Variants in GPR155 observed in about 807,000 individuals in gnomAD.
The protein encoded by GPR155 is lysosomal cholesterol signaling protein.
GPR155 carries 65 observed loss-of-function variants against 93.1 expected under a neutral mutation model. The ratio of observed to expected loss-of-function variants is 0.70; its 90% CI spans 0.57 to 0.86. The LOEUF is 0.86. Ranked by LOEUF, GPR155 falls within the 40% of genes least tolerant of loss-of-function variation. The probability of loss-of-function intolerance (pLI) is 0.00; values close to 1 mark genes in which losing one functional copy is unlikely to be tolerated. For synonymous variants in GPR155, 319 were observed against 360.1 expected (o/e 0.89, Z 1.29); for missense variants, 838 against 1,034.8 (o/e 0.81, Z 2.61).
At chr2:174,463,908 G>A (rs1403569784) in intron 7 of GPR155, among the ~76,000 whole-genome samples, 1 of 152,196 alleles carries the variant, frequency 6.6e-6, no homozygotes, top group African/African-American at 2.4e-5. Context: ...TGAGGTCCTT[G>A]AGAATTGGTT....
At chr2:174,448,728 G>A (rs62175265) in intron 11 of GPR155, among the ~76,000 whole-genome samples, 35,216 of 150,704 alleles carry the variant, frequency 0.23, 5,524 homozygotes, top group East Asian at 0.68. Flanking sequence ...TAGTAGAGAC[G>A]GGGTTTCACC....
chr2:174,468,843 T>G, intron 5 of GPR155, 69 bp downstream of exon 5: 1 of 1,284,926 alleles, frequency 7.8e-7, no homozygotes, highest in African/African-American at 1.5e-5. Context: ...TTTAAATCCC[T>G]TCTGTTAACA....
At chr2:174,446,536 C>A in intron 12 of GPR155, 75 bp downstream of exon 12, 1 of 1,424,490 alleles carries the variant, frequency 7.0e-7, no homozygotes, top group Non-Finnish European at 9.7e-7. Context: ...CTAAGTTTTT[C>A]CCGGATGCCT....
intron 3 of GPR155, among the ~76,000 whole-genome samples, chr2:174,471,123 C>T (rs892532372): frequency 2.0e-5 from 3 of 151,916 alleles, no homozygotes; most frequent in Non-Finnish European, 4.4e-5. Flanking sequence ...CATGGTGGCT[C>T]AAGCCTGTAA....
At chr2:174,437,554 T>C (rs1016562949) in intron 15 of GPR155, among the ~76,000 whole-genome samples, 2 of 142,888 alleles carry the variant, frequency 1.4e-5, no homozygotes, top group East Asian at 3.9e-4. Flanking sequence ...TGCTTGTTGA[T>C]TTTTTTATTT....
At position 174,461,582 on chromosome 2, in the gene GPR155, A is replaced by G; in HGVS notation, c.1469+6T>C. On this transcript the variant is annotated splice_donor_region_variant and intron_variant, in intron 8 of 15. Transcript: ENST00000392552. ...GGTGTAAGCAAACAGAGAACTACCA[A>G]CTTACCCCCAGCCAGATATTATGAT... 3 of 1,599,234 alleles carry G rather than the reference A, an allele frequency of 1.9e-6. No individual in the cohort carries two copies. The highest frequency in any genetic ancestry group is 2.6e-6 in the Non-Finnish European group (3 of 1,166,546).
At position 174,433,702 on chromosome 2, in the gene GPR155, A is replaced by G. The variant is rs186496471; in HGVS notation, c.*2414T>C. 135 of 152,346 alleles carry G rather than the reference A, an allele frequency of 8.9e-4. No individual in the cohort carries two copies. Among genetic ancestry groups the G allele is most frequent in the African/African-American group, 3.1e-3 (130 of 41,570 alleles). The allele number at this position is 152,346 out of a possible 1,614,324, so 9.4% of individuals were successfully genotyped here. A position where few individuals can be genotyped will look rare whatever the true frequency, so the allele number is the denominator to read the frequency against. ...TTCTTCCCATCTACCATGTGGGGAC[A>G]CAGCAAGAAGGTACCATCTATGAGC... On this transcript the variant is annotated 3_prime_UTR_variant, in exon 16 of 16. Coordinates refer to ENST00000392552, the MANE Select transcript of GPR155 (RefSeq NM_152529.7).
intron 2 of GPR155, among the ~76,000 whole-genome samples, chr2:174,478,469 C>T (rs901293382): frequency 1.3e-5 from 2 of 152,106 alleles, no homozygotes; most frequent in South Asian, 2.1e-4. Flanking sequence ...ATCCCTCTGT[C>T]TCAGCCTTCC....
At chr2:174,472,348 G>C (rs749528313) in intron 3 of GPR155, among the ~76,000 whole-genome samples, 1 of 152,230 alleles carries the variant, frequency 6.6e-6, no homozygotes, top group Non-Finnish European at 1.5e-5. Flanking sequence ...GGAGGTTGCA[G>C]TGAGCCAAGA....
At chr2:174,445,298 A>C (rs1687087418) in intron 12 of GPR155, 122 bp from the exon 13 acceptor site, 2 of 614,526 alleles carry the variant, frequency 3.3e-6, no homozygotes, top group Non-Finnish European at 5.7e-6. Context: ...AGACGGAAAA[A>C]CACTGAGAGA....
chr2:174,446,007 T>C (rs2105677655), intron 12 of GPR155, among the ~76,000 whole-genome samples: 1 of 152,032 alleles, frequency 6.6e-6, no homozygotes, highest in African/African-American at 2.4e-5. Context: ...GTGTACATTA[T>C]TGAAATAGCT....
intron 13 of GPR155, 35 bp from the exon 14 acceptor site, chr2:174,442,218 T>C (rs756003048): frequency 1.4e-5 from 15 of 1,092,470 alleles, no homozygotes; most frequent in Non-Finnish European, 5.6e-6. Flanking sequence ...TTTTCAGAAT[T>C]CAACAATAAC....
chr2:174,458,214 G>A (rs1369432321), intron 10 of GPR155, among the ~76,000 whole-genome samples: 1 of 152,108 alleles, frequency 6.6e-6, no homozygotes, highest in Non-Finnish European at 1.5e-5. Flanking sequence ...GTAAGGACAG[G>A]AATGATTCTC....
intron 7 of GPR155, 113 bp from the exon 8 acceptor site, chr2:174,461,785 T>C (rs1234447543): frequency 9.4e-6 from 6 of 639,696 alleles, no homozygotes; most frequent in Non-Finnish European, 1.6e-5. Flanking sequence ...TAGTGTGTGG[T>C]TTTTGCTTTA....
chr2:174,473,042 A>T lies in GPR155; in HGVS notation c.783T>A (p.Gly261=), dbSNP rs746329548. Residue 261 remains glycine, a synonymous_variant, in exon 3 of 16, where the codon GGT becomes GGA. Coordinates refer to ENST00000392552, the MANE Select transcript of GPR155 (RefSeq NM_152529.7). ...SFSGSALFYL[G]LTMVGKIKRL... is the part of the protein sequence containing the mutation. ...TCTTTATTTTTCCCACCATCGTGAG[A>T]CCAAGATAAAATAGGGCTGATCCAG... 7 of 1,599,036 alleles carry T rather than the reference A, an allele frequency of 4.4e-6. No homozygotes were observed. The highest frequency in any genetic ancestry group is 5.9e-6 in the Non-Finnish European group (7 of 1,176,560).
intron 12 of GPR155, among the ~76,000 whole-genome samples, chr2:174,446,357 C>G (rs547865341): frequency 6.9e-6 from 1 of 144,766 alleles, no homozygotes; most frequent in African/African-American, 2.5e-5. Context: ...TTACCAAATT[C>G]TAGGTTCAGA....
intron 2 of GPR155, 116 bp from the exon 3 acceptor site, chr2:174,473,480 C>A: frequency 1.5e-6 from 1 of 655,676 alleles, no homozygotes; most frequent in Non-Finnish European, 2.5e-6. Context: ...TTCAAAATGA[C>A]CCAAATAGCC....
chr2:174,455,282 T>A (rs926409331), intron 10 of GPR155, among the ~76,000 whole-genome samples: 1 of 151,882 alleles, frequency 6.6e-6, no homozygotes, highest in African/African-American at 2.4e-5. Context: ...TGAAGAGAAG[T>A]GATAACATGA....
intron 2 of GPR155, among the ~76,000 whole-genome samples, chr2:174,475,423 C>A (rs1262100799): frequency 6.6e-6 from 1 of 150,598 alleles, no homozygotes; most frequent in African/African-American, 2.4e-5. Context: ...ATGTCATGCA[C>A]ATGTCCCATT....
Sources: allele counts gnomAD v4.1 joint callset (sites outside exome capture counted in the v4.1 genomes callset), GRCh38; gene constraint gnomAD v4.1.1; transcripts MANE v1.5; gene names NCBI Gene and HGNC (gene_info 2026-07-23, HGNC 2026-07-21).